Variants in MED12L observed in about 807,000 individuals in gnomAD.
The protein encoded by MED12L is mediator complex subunit 12L, also known as mediator of RNA polymerase II transcription subunit 12-like protein.
Under a neutral mutation model 281.3 loss-of-function variants are expected in MED12L, and 60 were observed. The ratio of observed to expected loss-of-function variants is 0.21; its 90% CI spans 0.17 to 0.26. The LOEUF (loss-of-function observed/expected upper bound fraction) is 0.26, where lower values mean the gene tolerates loss of function less well. Among genes scored for constraint, MED12L ranks in the 10% least tolerant of loss-of-function variants. The pLI, the probability that MED12L is intolerant of heterozygous loss-of-function variation, is 1.00. For missense variants in MED12L, 2,146 were observed against 2,680.9 expected, an observed-to-expected ratio of 0.80 and a Z score of 4.41; for synonymous variants, 974 against 987.2, an observed-to-expected ratio of 0.99 and a Z score of 0.25.
Position 151,162,548 on chromosome 3 carries a change from C to A in MED12L, c.1108-1345C>A, listed in dbSNP as rs193184929. Among the ~76,000 whole-genome samples, 92 of 152,024 alleles carry A rather than the reference C, an allele frequency of 6.1e-4. 1 individual carries two copies. Among genetic ancestry groups the A allele is most frequent in the Non-Finnish European group, 3.5e-4 (24 of 67,960 alleles). ...CCTCCTGCCTCAAGTAAGTGATCCT[C>A]CCCCCTCAGCCTCCTTAGTAGCTAG... On this transcript the variant is annotated intron_variant, in intron 8 of 44. Transcript: ENST00000687756.
At chr3:151,230,254 G>A (rs1414025716) in intron 16 of MED12L, among the ~76,000 whole-genome samples, 1 of 152,192 alleles carries the variant, frequency 6.6e-6, no homozygotes, top group East Asian at 1.9e-4. Flanking sequence ...GATTACAGGC[G>A]TGAGCCACCG....
intron 11 of MED12L, among the ~76,000 whole-genome samples, chr3:151,174,338 ACTC>A (rs1721789441): frequency 6.6e-6 from 1 of 151,928 alleles, no homozygotes; most frequent in Non-Finnish European, 1.5e-5. Flanking sequence ...ATTTCTCACA[ACTC>A]CTCTATTTTT....
At chr3:151,115,451 C>T (rs1183868977) in intron 2 of MED12L, among the ~76,000 whole-genome samples, 1 of 136,730 alleles carries the variant, frequency 7.3e-6, no homozygotes, top group Admixed American at 8.3e-5. Flanking sequence ...CAGGTTCTAG[C>T]GATTTTCCTG....
intron 16 of MED12L, among the ~76,000 whole-genome samples, chr3:151,304,447 A>C (rs1483726297): frequency 1.3e-5 from 2 of 152,022 alleles, no homozygotes; most frequent in Non-Finnish European, 2.9e-5. Context: ...GGCAGCGTGC[A>C]CCTGTGGTCC....
intron 11 of MED12L, among the ~76,000 whole-genome samples, chr3:151,173,067 T>C (rs1721626188): frequency 6.6e-6 from 1 of 151,054 alleles, no homozygotes; most frequent in South Asian, 2.1e-4. Context: ...TTTTGAGTAT[T>C]ATGCGACTTT....
rs760773017 is a variant in MED12L at position 151,338,367 on chromosome 3, A to T, written c.2251-11692A>T. 6.2e-7 allele frequency: 1 copy of T among 1,614,144 alleles called. No homozygotes were observed. The highest frequency in any genetic ancestry group is 8.5e-7 in the Non-Finnish European group (1 of 1,180,010). On this transcript the variant is annotated intron_variant, in intron 16 of 44. Transcript: ENST00000687756. Reference sequence around the variant, plus strand: ...TCTCGGCTGCCTGTTGGTCAGAATCATGTTAGGCAAAGAGAGTAAGAACAT... The same window carrying T: ...TCTCGGCTGCCTGTTGGTCAGAATCTTGTTAGGCAAAGAGAGTAAGAACAT...
intron 39 of MED12L, among the ~76,000 whole-genome samples, chr3:151,402,558 C>T (rs1481956887): frequency 6.6e-6 from 1 of 152,166 alleles, no homozygotes; most frequent in Non-Finnish European, 1.5e-5. Flanking sequence ...TCCTGAGCTC[C>T]CCCACTGGCC....
At chr3:151,258,359 A>G (rs1738221719) in intron 16 of MED12L, among the ~76,000 whole-genome samples, 1 of 152,174 alleles carries the variant, frequency 6.6e-6, no homozygotes, top group Admixed American at 6.6e-5. Context: ...AGTACTTTCT[A>G]ATGTGGTCAT....
At chr3:151,330,603 T>C (rs891165129) in intron 16 of MED12L, among the ~76,000 whole-genome samples, 2 of 152,176 alleles carry the variant, frequency 1.3e-5, no homozygotes, top group Non-Finnish European at 2.9e-5. Flanking sequence ...CCACAAGTGT[T>C]ACCATGGAGT....
intron 20 of MED12L, 24 bp downstream of exon 20, chr3:151,357,400 T>G: frequency 6.5e-7 from 1 of 1,541,310 alleles, no homozygotes. Flanking sequence ...ATGTCATTGT[T>G]GTTTTTCCAA....
chr3:151,368,131 T>C lies in MED12L; in HGVS notation c.3449-19T>C, dbSNP rs769162070. The C allele has an allele frequency of 1.1e-5, 18 of 1,607,660 alleles. No individual in the cohort carries two copies. The African/African-American group carries it at 2.4e-4, about 22-fold the overall frequency. ...CCAAGTGTGTTAGAAAACTTGCTTT[T>C]CCAATCCCCCTTTCCTAGCTTGTGG... On this transcript the variant is annotated intron_variant, in intron 24 of 44. Transcript: ENST00000687756.
chr3:151,377,351 T>A (rs1756969966), intron 30 of MED12L, among the ~76,000 whole-genome samples, 173 bp downstream of exon 30: 2 of 152,176 alleles, frequency 1.3e-5, no homozygotes, highest in African/African-American at 4.8e-5. Flanking sequence ...AATGATAGCT[T>A]CGGAATATTT....
In MED12L at chr3:151,355,943, A is replaced by T. The variant is rs1295708955; in HGVS notation, c.2565A>T (p.Thr855=). The change falls in exon 19 of 45, where the codon ACA becomes ACT. Residue 855 remains threonine (T), a synonymous_variant. Transcript: ENST00000687756. ...AAATCACAAGCTTTGCGTCAGGAAC[A>T]TCCTATCATCTCCCTTTGGCTCACC... ...LEQITSFASG[T]SYHLPLAHHI... 1 of 1,614,108 alleles carries T rather than the reference A, an allele frequency of 6.2e-7. No individual in the cohort carries two copies. Among genetic ancestry groups the T allele is most frequent in the East Asian group, 2.2e-5 (1 of 44,882 alleles).
chr3:151,327,705 A>C (rs1749800289), intron 16 of MED12L: 1 of 243,008 alleles, frequency 4.1e-6, no homozygotes, highest in African/African-American at 2.3e-5. Context: ...AGTCTTTTCC[A>C]AAATGTTAAA....
At position 151,369,416 on chromosome 3, in the gene MED12L, A is replaced by C; in HGVS notation, c.3551-20A>C. On this transcript the variant is annotated intron_variant, in intron 25 of 44. Transcript: ENST00000687756. ...ACTAATGATGGTAATGAGACTATTAAAGATTTGTTGTTTTTGTAGGCAAAC... is the reference window on the plus strand; with the variant it reads ...ACTAATGATGGTAATGAGACTATTACAGATTTGTTGTTTTTGTAGGCAAAC... 1 of 1,519,212 alleles carries C rather than the reference A, an allele frequency of 6.6e-7. No homozygotes were observed. Among genetic ancestry groups the C allele is most frequent in the Non-Finnish European group, 9.1e-7 (1 of 1,103,868 alleles). 94.1% of individuals were successfully genotyped at this position (1,519,212 alleles called of 1,614,324 possible).
At chr3:151,196,713 C>T (rs924740453) in intron 16 of MED12L, among the ~76,000 whole-genome samples, 2 of 152,192 alleles carry the variant, frequency 1.3e-5, no homozygotes, top group Non-Finnish European at 2.9e-5. Context: ...TCTGTCATTA[C>T]CATTAGCTAG....
At chr3:151,366,167 GAA>G (rs768966828) in intron 23 of MED12L, among the ~76,000 whole-genome samples, 176 bp downstream of exon 23, 3 of 151,694 alleles carry the variant, frequency 2.0e-5, no homozygotes, top group Non-Finnish European at 4.4e-5. Flanking sequence ...TTAAATACAT[GAA>G]AAAAAATAGA....
At chr3:151,182,025 T>A (rs1722760520) in intron 11 of MED12L, among the ~76,000 whole-genome samples, 1 of 152,214 alleles carries the variant, frequency 6.6e-6, no homozygotes, top group Admixed American at 6.5e-5. Flanking sequence ...CTAAATTATT[T>A]TTTTTAATGA....
chr3:151,158,505 CAAAA>C (rs962593651), intron 6 of MED12L, among the ~76,000 whole-genome samples, 180 bp from the exon 7 acceptor site: 12 of 150,802 alleles, frequency 8.0e-5, no homozygotes, highest in African/African-American at 2.7e-4. Context: ...TTCTAAAAAA[CAAAA>C]AAAACTATAC....
Sources: gnomAD v4.1 joint callset for allele counts (sites outside exome capture counted in the v4.1 genomes callset) on GRCh38, gnomAD v4.1.1 for gene constraint, MANE v1.5 for transcripts, NCBI Gene and HGNC (gene_info 2026-07-23, HGNC 2026-07-21) for gene names.